C12orf42: variants seen among roughly 807,000 people sequenced by gnomAD.
C12orf42 encodes uncharacterized protein C12orf42.
In C12orf42, 25 loss-of-function variants were observed where a neutral mutation model predicts 21.6. The ratio of observed to expected loss-of-function variants is 1.16; its 90% CI spans 0.84 to 1.62. The LOEUF is 1.62. Among genes scored for constraint, C12orf42 ranks in the 40% most tolerant of loss-of-function variants. The pLI is 0.00. For synonymous variants in C12orf42, 174 were observed against 175.0 expected (o/e 0.99, Z 0.05); for missense variants, 483 against 459.3 (o/e 1.05, Z -0.47).
chr12:103,481,119 CT>C (rs1954441195), intron 1 of C12orf42, among the ~76,000 whole-genome samples: 1 of 151,720 alleles, frequency 6.6e-6, no homozygotes, highest in Non-Finnish European at 1.5e-5. Flanking sequence ...ATATAGCTTT[CT>C]TCTTTATCTC....
At chr12:103,525,321 C>T in the C12orf42 span, among the ~76,000 whole-genome samples, 1 of 152,186 alleles carries the variant, frequency 6.6e-6, no homozygotes, top group South Asian at 2.1e-4. Context: ...TGAGCCACCA[C>T]ACCTGGCTAT....
At chr12:103,090,942 G>A in the C12orf42 span, among the ~76,000 whole-genome samples, 94 of 151,482 alleles carry the variant, frequency 6.2e-4, no homozygotes, top group East Asian at 8.6e-3. Context: ...CTGTAAGCCA[G>A]CCCACTTCAA....
downstream of C12orf42, among the ~76,000 whole-genome samples, chr12:103,233,211 T>G (rs537101019): frequency 4.3e-4 from 65 of 152,368 alleles, no homozygotes; most frequent in African/African-American, 1.5e-3. Flanking sequence ...AATACCACAC[T>G]GTCTTGATTT....
At chr12:103,203,089 T>A in the C12orf42 span, among the ~76,000 whole-genome samples, 1 of 152,186 alleles carries the variant, frequency 6.6e-6, no homozygotes, top group Non-Finnish European at 1.5e-5. Flanking sequence ...TGTTTTGTCA[T>A]ACTGATACAG....
the C12orf42 span, among the ~76,000 whole-genome samples, chr12:103,190,381 C>G: frequency 2.2e-5 from 3 of 134,540 alleles, no homozygotes; most frequent in Non-Finnish European, 5.2e-5. Context: ...TCCCAGCCCA[C>G]TGAGTCAAAT....
chr12:103,414,035 G>A (rs574354444), intron 2 of C12orf42, among the ~76,000 whole-genome samples: 12 of 152,278 alleles, frequency 7.9e-5, no homozygotes, highest in African/African-American at 2.6e-4. Context: ...GGATCAAATG[G>A]TAGTTCTACT....
intron 4 of C12orf42, among the ~76,000 whole-genome samples, chr12:103,310,074 C>T (rs568978306): frequency 2.0e-5 from 3 of 152,336 alleles, no homozygotes; most frequent in Admixed American, 1.3e-4. Flanking sequence ...CCAAATCTCA[C>T]GTTGAATTGC....
At chr12:103,115,228 A>C in the C12orf42 span, among the ~76,000 whole-genome samples, 1 of 152,224 alleles carries the variant, frequency 6.6e-6, no homozygotes, top group South Asian at 2.1e-4. Flanking sequence ...GTGGAACTGC[A>C]GTTGAAACCC....
chr12:103,489,300 CT>C (rs1248942149), intron 1 of C12orf42, among the ~76,000 whole-genome samples: 5 of 152,198 alleles, frequency 3.3e-5, no homozygotes, highest in Non-Finnish European at 7.3e-5. Context: ...GCAAATAATG[CT>C]GCCTGATCCT....
At chr12:103,270,213 G>A (rs1370714744) in intron 5 of C12orf42, 1 of 152,138 alleles carries the variant, frequency 6.6e-6, no homozygotes, top group Non-Finnish European at 1.5e-5. Context: ...CAGAAAAGGA[G>A]GGGGGTAAGG....
the C12orf42 span, among the ~76,000 whole-genome samples, chr12:103,105,668 A>G: frequency 6.6e-6 from 1 of 152,216 alleles, no homozygotes; most frequent in East Asian, 1.9e-4. Flanking sequence ...TAAGTAGAAA[A>G]TGTAAAATAG....
chr12:103,074,254 C>G, the C12orf42 span, among the ~76,000 whole-genome samples: 3 of 152,134 alleles, frequency 2.0e-5, no homozygotes, highest in Non-Finnish European at 4.4e-5. Context: ...ACAGCAGTTT[C>G]AAGTGTCACA....
At chr12:103,378,341 G>A (rs190140033) in intron 3 of C12orf42, among the ~76,000 whole-genome samples, 9 of 152,174 alleles carry the variant, frequency 5.9e-5, no homozygotes, top group Middle Eastern at 3.4e-3. Flanking sequence ...TTTCCATCTC[G>A]CGGTCCTGGA....
chr12:103,392,438 T>C (rs2047158628), intron 3 of C12orf42, among the ~76,000 whole-genome samples: 1 of 152,362 alleles, frequency 6.6e-6, no homozygotes, highest in East Asian at 1.9e-4. Flanking sequence ...ATCATATTAA[T>C]GTTAAGTCTT....
the C12orf42 span, among the ~76,000 whole-genome samples, chr12:103,230,571 G>A: frequency 7.9e-5 from 12 of 152,292 alleles, no homozygotes; most frequent in African/African-American, 2.9e-4. Flanking sequence ...TTTAACATGT[G>A]TCCATCACAG....
At chr12:103,265,019 T>G (rs1436864268), downstream of C12orf42, among the ~76,000 whole-genome samples, 1 of 152,124 alleles carries the variant, frequency 6.6e-6, no homozygotes, top group Non-Finnish European at 1.5e-5. Context: ...TGAAAGTGTC[T>G]GATATCAAAA....
In C12orf42 at chr12:103,430,278, C is replaced by T. The variant is rs1191252165; in HGVS notation, c.79-28603G>A. On this transcript the variant is annotated intron_variant, in intron 2 of 5. Coordinates refer to ENST00000548883, the MANE Select transcript of C12orf42 (RefSeq NM_198521.5). The stretch of plus-strand genomic sequence containing the variant: ...AACAAATTGACAAGAAAAACACAAA[C>T]AACTCCATCAAAAAGTGGGCAAAGG... 4.6e-5 allele frequency among the ~76,000 whole-genome samples: 7 copies of T among 152,246 alleles called. No homozygotes were observed. The South Asian group carries it at 1.5e-3, about 32-fold the overall frequency.
intron 2 of C12orf42, among the ~76,000 whole-genome samples, chr12:103,421,060 T>C (rs774198015): frequency 1.3e-5 from 2 of 152,112 alleles, no homozygotes; most frequent in Non-Finnish European, 2.9e-5. Context: ...AGTGCACCAA[T>C]ATGAGAAGAT....
intron 10 of C12orf42, among the ~76,000 whole-genome samples, chr12:103,245,159 G>A (rs2033949115): frequency 6.6e-6 from 1 of 152,052 alleles, no homozygotes. Context: ...CAGTGTGACA[G>A]GTAACTAATA....
Sources: allele counts gnomAD v4.1 joint callset (sites outside exome capture counted in the v4.1 genomes callset), GRCh38; gene constraint gnomAD v4.1.1; transcripts MANE v1.5; gene names NCBI Gene and HGNC (gene_info 2026-07-23, HGNC 2026-07-21).